The following RAPGEF2 variants were observed in gnomAD, a reference collection of about 807,000 sequenced individuals.
The protein encoded by RAPGEF2 is Rap guanine nucleotide exchange factor 2, also known as PDZ domain containing guanine nucleotide exchange factor (GEF) 1.
A neutral mutation model predicts 186.7 loss-of-function variants in RAPGEF2; 54 were observed. The observed-to-expected ratio is 0.29, with a 90% confidence interval of 0.23 to 0.36. The LOEUF (loss-of-function observed/expected upper bound fraction) is 0.36, where lower values mean the gene tolerates loss of function less well. Ranked by LOEUF, RAPGEF2 falls within the 10% of genes least tolerant of loss-of-function variation. The pLI, the probability that RAPGEF2 is intolerant of heterozygous loss-of-function variation, is 1.00. For missense variants in RAPGEF2, 1,532 were observed against 2,045.0 expected, an observed-to-expected ratio of 0.75 and a Z score of 4.84; for synonymous variants, 712 against 705.9, an observed-to-expected ratio of 1.01 and a Z score of -0.14.
At chr4:159,279,094 AT>A (rs1212090457) in intron 7 of RAPGEF2, among the ~76,000 whole-genome samples, 1 of 152,196 alleles carries the variant, frequency 6.6e-6, no homozygotes, top group African/African-American at 2.4e-5. Flanking sequence ...CAGTAATGAT[AT>A]CATTAGTTAA....
At chr4:159,205,414 A>C (rs1749863712) in intron 3 of RAPGEF2, among the ~76,000 whole-genome samples, 1 of 152,184 alleles carries the variant, frequency 6.6e-6, no homozygotes, top group African/African-American at 2.4e-5. Context: ...ATGTGGTTAC[A>C]TCCCAATAAA....
chr4:159,356,334 T>TG (rs1554045208), intron 29 of RAPGEF2, among the ~76,000 whole-genome samples, 176 bp downstream of exon 29: 1 of 151,544 alleles, frequency 6.6e-6, no homozygotes, highest in Admixed American at 6.6e-5. Flanking sequence ...CTGCTTTCTT[T>TG]TGTGTGTGTG....
At chr4:159,124,052 C>T (rs374200060) in intron 1 of RAPGEF2, among the ~76,000 whole-genome samples, 5 of 151,156 alleles carry the variant, frequency 3.3e-5, no homozygotes, top group East Asian at 2.0e-4. Context: ...GATGGCGTTT[C>T]GCCATGTTGG....
In RAPGEF2 at chr4:159,313,578, A is replaced by G. The variant is rs571021669; in HGVS notation, c.676-1013A>G. 7.2e-5 allele frequency among the ~76,000 whole-genome samples: 11 copies of G among 152,294 alleles called. No homozygotes were observed. In the South Asian group the frequency reaches 2.3e-3, roughly 32 times the overall value. On this transcript the variant is annotated intron_variant, in intron 8 of 29. Transcript: ENST00000691494. The stretch of plus-strand genomic sequence containing the variant: ...TTAAAAAATATTTTTTTCTTAAAAA[A>G]GGTATTTATTATCTTTGAGAATCGT...
intron 7 of RAPGEF2, among the ~76,000 whole-genome samples, chr4:159,262,232 T>A (rs552253720): frequency 1.3e-5 from 2 of 152,354 alleles, no homozygotes; most frequent in South Asian, 4.1e-4. Flanking sequence ...AACTTATAAT[T>A]CCAGTTTGTG....
chr4:159,231,488 T>TA (rs1379516707), intron 4 of RAPGEF2, among the ~76,000 whole-genome samples: 4 of 152,048 alleles, frequency 2.6e-5, no homozygotes, highest in African/African-American at 9.7e-5. Context: ...TGAGAAATAA[T>TA]ATATGTTTTG....
chr4:159,301,563 C>T (rs1481964571), intron 7 of RAPGEF2, among the ~76,000 whole-genome samples: 2 of 152,002 alleles, frequency 1.3e-5, no homozygotes, highest in East Asian at 1.9e-4. Context: ...ACAGATAGTG[C>T]GGAGAAAGGG....
At chr4:159,137,725 A>AAC (rs1741875231) in intron 1 of RAPGEF2, among the ~76,000 whole-genome samples, 1 of 151,710 alleles carries the variant, frequency 6.6e-6, no homozygotes, top group Non-Finnish European at 1.5e-5. Flanking sequence ...AAAAAAAAAA[A>AAC]ACCTGCAAAG....
intron 4 of RAPGEF2, among the ~76,000 whole-genome samples, chr4:159,237,314 C>T (rs958017019): frequency 6.6e-6 from 1 of 152,054 alleles, no homozygotes; most frequent in Non-Finnish European, 1.5e-5. Context: ...TGCCATCGCG[C>T]GTGGCCGGAA....
At chr4:159,280,932 C>A (rs1759605056) in intron 7 of RAPGEF2, among the ~76,000 whole-genome samples, 1 of 151,150 alleles carries the variant, frequency 6.6e-6, no homozygotes, top group South Asian at 2.1e-4. Flanking sequence ...GATTTGAGTT[C>A]TTGTTCTGAT....
chr4:159,202,313 C>T (rs1275857768), intron 3 of RAPGEF2, among the ~76,000 whole-genome samples: 1 of 152,134 alleles, frequency 6.6e-6, no homozygotes, highest in African/African-American at 2.4e-5. Flanking sequence ...CCCCATACAC[C>T]CTCCTTGTTT....
At chr4:159,339,777 T>C (rs1333766305) in intron 19 of RAPGEF2, among the ~76,000 whole-genome samples, 1 of 152,256 alleles carries the variant, frequency 6.6e-6, no homozygotes, top group Non-Finnish European at 1.5e-5. Context: ...CATTTGCTCC[T>C]GCATACCCAA....
intron 1 of RAPGEF2, among the ~76,000 whole-genome samples, chr4:159,122,351 C>T (rs999221670): frequency 1.3e-5 from 2 of 151,626 alleles, no homozygotes; most frequent in African/African-American, 4.8e-5. Flanking sequence ...TGGTGGCGCA[C>T]GCCTATAATC....
At chr4:159,261,282 TC>T (rs1408330917) in intron 7 of RAPGEF2, among the ~76,000 whole-genome samples, 1 of 150,734 alleles carries the variant, frequency 6.6e-6, no homozygotes, top group Non-Finnish European at 1.5e-5. Flanking sequence ...CAGGATGGTC[TC>T]CATCTCCTGA....
rs528443698 is a variant in RAPGEF2, at chr4:159,113,531, G to A, written c.69+9300G>A. Among the ~76,000 whole-genome samples the A allele has an allele frequency of 3.4e-3, 515 of 151,870 alleles. 3 individuals are homozygous for A. Among genetic ancestry groups the A allele is most frequent in the African/African-American group, 0.012 (478 of 41,456 alleles). Reference sequence around the variant, plus strand: ...TGAGGCGGGTGGATCACCTGAAGTCGGGAATTCGAGTTGAGCCTGGCCAAC... The same window carrying A: ...TGAGGCGGGTGGATCACCTGAAGTCAGGAATTCGAGTTGAGCCTGGCCAAC... On this transcript the variant is annotated intron_variant, in intron 1 of 29. Transcript: ENST00000691494.
At chr4:159,263,889 C>T (rs990325348) in intron 7 of RAPGEF2, among the ~76,000 whole-genome samples, 2 of 151,976 alleles carry the variant, frequency 1.3e-5, no homozygotes, top group African/African-American at 4.8e-5. Flanking sequence ...GTTTCCTGAA[C>T]TATATAATCT....
At chr4:159,104,519 A>AGAGAGAGAGAGAGAGG in intron 1 of RAPGEF2, among the ~76,000 whole-genome samples, 1 of 118,810 alleles carries the variant, frequency 8.4e-6, no homozygotes, top group South Asian at 2.6e-4. Flanking sequence ...AGAGAGAGAG[A>AGAGAGAGAGAGAGAGG]GAGAGAGGGA....
At chr4:159,332,140 TA>T in intron 16 of RAPGEF2, 106 bp downstream of exon 16, 1 of 743,888 alleles carries the variant, frequency 1.3e-6, no homozygotes, top group Non-Finnish European at 2.2e-6. Context: ...TAGATCTAAA[TA>T]AAAACTACTG....
intron 25 of RAPGEF2, 79 bp from the exon 26 acceptor site, chr4:159,350,058 A>G (rs1730949728): frequency 9.9e-7 from 1 of 1,007,336 alleles, no homozygotes; most frequent in Non-Finnish European, 1.4e-6. Flanking sequence ...TCTTAACACA[A>G]AAAAGTTTTT....
Sources: gnomAD v4.1 joint callset for allele counts (sites outside exome capture counted in the v4.1 genomes callset) on GRCh38, gnomAD v4.1.1 for gene constraint, MANE v1.5 for transcripts, NCBI Gene and HGNC (gene_info 2026-07-23, HGNC 2026-07-21) for gene names.